AP3S2: variants seen among roughly 807,000 people sequenced by gnomAD.
AP3S2 encodes adaptor related protein complex 3 subunit sigma 2.
AP3S2 carries 22 observed loss-of-function variants against 23.4 expected under a neutral mutation model. The ratio of observed to expected loss-of-function variants is 0.94; its 90% CI spans 0.67 to 1.34. The LOEUF is 1.34. Among genes scored for constraint, AP3S2 ranks in the 40% most tolerant of loss-of-function variants. AP3S2 has a pLI of 0.00. For synonymous variants in AP3S2, 86 were observed against 87.1 expected (o/e 0.99, Z 0.07); for missense variants, 241 against 236.9 (o/e 1.02, Z -0.11).
chr15:89,833,946 G>T lies in AP3S2; in HGVS notation c.*1569C>A, dbSNP rs1895134141. 6.6e-6 allele frequency: 1 copy of T among 152,252 alleles called. No individual in the cohort carries two copies. The highest frequency in any genetic ancestry group is 2.4e-5 in the African/African-American group (1 of 41,470). 9.4% of individuals were successfully genotyped at this position (152,252 alleles called of 1,614,324 possible). ...GGTCCCCAGCCAGAAGGCCCAAGAG[G>T]GGCCCAGGCTGGAAACTTTACTGCG... On this transcript the variant is annotated 3_prime_UTR_variant, in exon 6 of 6. Transcript: ENST00000336418.
intron 4 of AP3S2, among the ~76,000 whole-genome samples, chr15:89,853,696 G>T (rs1895720747): frequency 7.4e-6 from 1 of 135,980 alleles, no homozygotes; most frequent in Non-Finnish European, 1.6e-5. Context: ...TCACATCTAG[G>T]AAGTGAGGAG....
At chr15:89,850,217 C>T (rs1014855133) in intron 4 of AP3S2, among the ~76,000 whole-genome samples, 1 of 152,178 alleles carries the variant, frequency 6.6e-6, no homozygotes, top group Non-Finnish European at 1.5e-5. Flanking sequence ...ACTGTTTGAT[C>T]TTCAGACTGG....
At chr15:89,852,162 C>G (rs1895672153) in intron 4 of AP3S2, among the ~76,000 whole-genome samples, 1 of 152,154 alleles carries the variant, frequency 6.6e-6, no homozygotes, top group African/African-American at 2.4e-5. Context: ...ACCAATAAAC[C>G]TCAGTTTCTT....
At chr15:89,893,822 G>A (rs1896875209) in intron 1 of AP3S2, 59 bp downstream of exon 1, 3 of 1,535,460 alleles carry the variant, frequency 2.0e-6, no homozygotes, top group Non-Finnish European at 2.6e-6. Flanking sequence ...AGAGGCCAAA[G>A]AGGAGGGAAG....
intron 4 of AP3S2, among the ~76,000 whole-genome samples, chr15:89,858,523 G>GAGAGAGAAAGAT (rs1555446558): frequency 2.4e-4 from 13 of 53,640 alleles, no homozygotes; most frequent in Admixed American, 5.1e-4. Flanking sequence ...GAGAGAGAGA[G>GAGAGAGAAAGAT]AGAAAGAAAG....
At chr15:89,864,329 T>G (rs934928383) in intron 4 of AP3S2, among the ~76,000 whole-genome samples, 1 of 152,300 alleles carries the variant, frequency 6.6e-6, no homozygotes, top group South Asian at 2.1e-4. Flanking sequence ...AAAAAAATCA[T>G]GATTACCTCA....
In AP3S2 at chr15:89,873,215, C is replaced by T. The variant is rs148453171; in HGVS notation, c.274-1669G>A. ...TATCGAATTATTTTGTTGAGAATTC[C>T]CTCCTTTCCACATTCCTAATCAATC... is the stretch of plus-strand genomic sequence containing the variant. On this transcript the variant is annotated intron_variant, in intron 3 of 5. Transcript: ENST00000336418. Among the ~76,000 whole-genome samples, 69 of 152,064 alleles carry T rather than the reference C, an allele frequency of 4.5e-4. 1 individual carries two copies. The highest frequency in any genetic ancestry group is 9.2e-4 in the Admixed American group (14 of 15,262).
At chr15:89,848,970 A>T (rs527836469) in intron 4 of AP3S2, 3 of 152,326 alleles carry the variant, frequency 2.0e-5, no homozygotes, top group Admixed American at 6.5e-5. Flanking sequence ...TCGTACTTTC[A>T]TTCCAAAGTC....
At chr15:89,867,012 C>T (rs1367491686) in intron 4 of AP3S2, among the ~76,000 whole-genome samples, 2 of 118,724 alleles carry the variant, frequency 1.7e-5, no homozygotes, top group African/African-American at 3.2e-5. Flanking sequence ...CTCCCCCTAC[C>T]CCTCCCCCTC....
At chr15:89,855,087 C>T (rs930712493) in intron 4 of AP3S2, among the ~76,000 whole-genome samples, 5 of 141,072 alleles carry the variant, frequency 3.5e-5, no homozygotes, top group African/African-American at 7.9e-5. Flanking sequence ...AACAGAAAGG[C>T]GGGAAAGGTG....
Position 89,893,919 on chromosome 15 carries a change from G to C in AP3S2, c.31C>G (p.His11Asp), listed in dbSNP as rs1176654789. The change falls in exon 1 of 6, where the codon CAT (histidine) becomes GAT (aspartate). Residue 11 changes from histidine (H) to aspartate (D), a missense_variant. His to Asp is a moderately conservative substitution (Grantham distance 81). Coordinates refer to ENST00000336418, the MANE Select transcript of AP3S2 (RefSeq NM_005829.5). MIQAILVFNNHGKPRLVRFYQ... is the reference protein window; with the variant it reads MIQAILVFNNDGKPRLVRFYQ... Reference sequence around the variant, plus strand: ...AAGCGGACTAGCCGTGGCTTCCCATGGTTGTTGAAAACCAGAATCGCCTGA... The same window carrying C: ...AAGCGGACTAGCCGTGGCTTCCCATCGTTGTTGAAAACCAGAATCGCCTGA... The C allele has an allele frequency of 6.4e-7, 1 of 1,551,692 alleles. No individual in the cohort carries two copies.
chr15:89,853,169 C>G (rs946875485), intron 4 of AP3S2, among the ~76,000 whole-genome samples: 4 of 152,012 alleles, frequency 2.6e-5, no homozygotes, highest in Non-Finnish European at 5.9e-5. Context: ...TATACATCAG[C>G]AAGGGAGTTA....
intron 4 of AP3S2, among the ~76,000 whole-genome samples, chr15:89,858,475 GAAAGAAAGAA>G (rs1266798261): frequency 7.6e-4 from 22 of 28,922 alleles, no homozygotes; most frequent in East Asian, 3.6e-3. Flanking sequence ...AAGAAAGAAA[GAAAGAAAGAA>G]AGAAAGAAAG....
At chr15:89,862,168 G>A (rs997114844) in intron 4 of AP3S2, among the ~76,000 whole-genome samples, 4 of 152,108 alleles carry the variant, frequency 2.6e-5, no homozygotes, top group Non-Finnish European at 4.4e-5. Context: ...AGAAGGAAGA[G>A]AGAATAAGGT....
chr15:89,858,419 C>G (rs1895893296), intron 4 of AP3S2, among the ~76,000 whole-genome samples: 1 of 148,468 alleles, frequency 6.7e-6, no homozygotes, highest in African/African-American at 2.5e-5. Context: ...CCAACCTGGG[C>G]AACAAGAGCG....
intron 1 of AP3S2, among the ~76,000 whole-genome samples, chr15:89,890,910 T>A (rs190877932): frequency 6.6e-6 from 1 of 152,348 alleles, no homozygotes; most frequent in African/African-American, 2.4e-5. Context: ...TAATCATTGG[T>A]CACTACAAAT....
intron 1 of AP3S2, among the ~76,000 whole-genome samples, chr15:89,889,810 G>C (rs12914403): frequency 1.5e-5 from 2 of 136,882 alleles, no homozygotes; most frequent in African/African-American, 5.6e-5. Context: ...GTTACAGTGA[G>C]CCGAGATCAC....
In AP3S2 at chr15:89,833,279, C is replaced by G. The variant is rs1388344783; in HGVS notation, c.*2236G>C. The G allele has an allele frequency of 6.6e-6, 1 of 152,216 alleles. No individual in the cohort carries two copies. 9.4% of individuals were successfully genotyped at this position (152,216 alleles called of 1,614,324 possible). On this transcript the variant is annotated 3_prime_UTR_variant, in exon 6 of 6. Transcript: ENST00000336418. ...ATGATCACTGGCCACCTTAGAAAAT[C>G]AAGCCTATTTAGACCACGGTTTGTG... is the stretch of plus-strand genomic sequence containing the variant.
intron 1 of AP3S2, chr15:89,893,080 A>T (rs2141908509): frequency 6.6e-6 from 1 of 152,364 alleles, no homozygotes; most frequent in South Asian, 2.1e-4. Flanking sequence ...AGACAATAAA[A>T]GTCTGAAAAG....
Sources: allele counts gnomAD v4.1 joint callset (sites outside exome capture counted in the v4.1 genomes callset), GRCh38; gene constraint gnomAD v4.1.1; transcripts MANE v1.5; gene names NCBI Gene and HGNC (gene_info 2026-07-23, HGNC 2026-07-21).